The following MBTPS1 variants were observed in gnomAD, a reference collection of about 807,000 sequenced individuals.
MBTPS1 encodes the protein membrane bound transcription factor peptidase, site 1.
Under a neutral mutation model 127.8 loss-of-function variants are expected in MBTPS1, and 94 were observed. That is an observed-to-expected ratio of 0.74 (90% CI 0.62 to 0.87). The LOEUF is 0.87. Among genes scored for constraint, MBTPS1 ranks in the 40% least tolerant of loss-of-function variants. MBTPS1 has a pLI of 0.00. For synonymous variants in MBTPS1, 632 were observed against 509.4 expected, an observed-to-expected ratio of 1.24 and a Z score of -3.24; for missense variants, 1,636 against 1,353.2, an observed-to-expected ratio of 1.21 and a Z score of -3.28.
chr16:84,066,811 A>C (rs1402705558), intron 16 of MBTPS1, among the ~76,000 whole-genome samples, 198 bp from the exon 17 acceptor site: 2 of 152,258 alleles, frequency 1.3e-5, no homozygotes, highest in Non-Finnish European at 1.5e-5. Context: ...GAATTAATTA[A>C]AGCAAAATTT....
At chr16:84,110,652 A>C (rs2086385170) in intron 1 of MBTPS1, 1 of 152,198 alleles carries the variant, frequency 6.6e-6, no homozygotes, top group African/African-American at 2.4e-5. Context: ...TCCTCCCAAC[A>C]ACCCGTTACT....
At chr16:84,100,015 T>C (rs1300586024) in intron 2 of MBTPS1, among the ~76,000 whole-genome samples, 1 of 152,240 alleles carries the variant, frequency 6.6e-6, no homozygotes, top group African/African-American at 2.4e-5. Flanking sequence ...TGTGAGACTA[T>C]TTGCTCAGTT....
chr16:84,076,410 G>T (rs1416129901), intron 11 of MBTPS1, among the ~76,000 whole-genome samples: 1 of 152,130 alleles, frequency 6.6e-6, no homozygotes, highest in African/African-American at 2.4e-5. Context: ...TCTCTCCCCT[G>T]CTGTTCAACA....
chr16:84,095,571 A>C (rs754480735), intron 4 of MBTPS1, 31 bp downstream of exon 4: 1 of 1,608,826 alleles, frequency 6.2e-7, no homozygotes, highest in Admixed American at 1.7e-5. Context: ...TGTATATCCC[A>C]TAAGCACCTT....
rs143626675 is a variant in MBTPS1 at position 84,101,623 on chromosome 16, T to C, written c.161A>G (p.Tyr54Cys). Residue 54 changes from tyrosine to cysteine, a missense_variant and splice_region_variant, in exon 2 of 23, where the codon TAT (tyrosine) becomes TGT (cysteine). By Grantham distance (194) the Tyr-to-Cys change is radical. Coordinates refer to ENST00000343411, the MANE Select transcript of MBTPS1 (RefSeq NM_003791.4). ...AATACTTAAGACAACATCATTACCA[T>C]ATTCCACAACTGTTGATGAGAATTC... ...KVEFSSTVVE[Y>C]EYIVAFNGYF... The C allele has an allele frequency of 7.9e-4, 1,267 of 1,612,004 alleles. 9 individuals are homozygous for C. In the African/African-American group the frequency reaches 0.016, roughly 20 times the overall value.
intron 12 of MBTPS1, 56 bp downstream of exon 12, chr16:84,074,541 T>TG (rs1328396597): frequency 6.3e-7 from 1 of 1,575,110 alleles, no homozygotes; most frequent in Admixed American, 1.7e-5. Flanking sequence ...CCTAAAGGTC[T>TG]GGGCTGTGTC....
In MBTPS1 at chr16:84,091,688, G is replaced by C. The variant is rs765152592; in HGVS notation, c.963+44C>G. ...TGATGCAAAGTTGGGCTGCGAAAGA[G>C]CAGGAGCTGTCACCCAAACCCCGTG... On this transcript the variant is annotated intron_variant, in intron 7 of 22. Transcript: ENST00000343411. The C allele has an allele frequency of 3.7e-6, 5 of 1,353,412 alleles. No individual in the cohort carries two copies. In the Admixed American group the frequency reaches 8.4e-5, roughly 23 times the overall value. The allele number at this position is 1,353,412 out of a possible 1,614,324, so 83.8% of individuals were successfully genotyped here.
rs534216929 is a variant in MBTPS1 at position 84,090,232 on chromosome 16, G to C, written c.1031+643C>G. ...AATAAAATGAAGCTGCTGGTGGAAA[G>C]AAAACTGAGACCTCTAACCAGACAG... On this transcript the variant is annotated intron_variant, in intron 8 of 22. Coordinates refer to ENST00000343411, the MANE Select transcript of MBTPS1 (RefSeq NM_003791.4). Among the ~76,000 whole-genome samples, 21 of 152,338 alleles carry C rather than the reference G, an allele frequency of 1.4e-4. No homozygotes were observed. In the East Asian group the frequency reaches 3.9e-3, roughly 28 times the overall value.
At chr16:84,059,657 C>G in intron 20 of MBTPS1, 1 of 412,470 alleles carries the variant, frequency 2.4e-6, no homozygotes, top group Non-Finnish European at 4.5e-6. Flanking sequence ...CAGAACCGTT[C>G]CCTTGAAGAT....
intron 21 of MBTPS1, among the ~76,000 whole-genome samples, chr16:84,058,709 G>A (rs1030567157): frequency 2.0e-5 from 3 of 152,206 alleles, no homozygotes; most frequent in Admixed American, 6.5e-5. Context: ...CACTGGGTAC[G>A]GAAAGGAAAC....
At position 84,101,662 on chromosome 16, in the gene MBTPS1, A is replaced by T; in HGVS notation, c.122T>A (p.Leu41Gln). The change falls in exon 2 of 23, where the codon CTG becomes CAG. Residue 41 changes from leucine (L) to glutamine (Q), a missense_variant. By Grantham distance (113) the Leu-to-Gln change is moderately radical. Transcript: ENST00000343411. ...TGATGAGAATTCCACCTTCAAAGTC[A>T]GGTGGGAACAGCCAGGGCATGGGGC... is the stretch of plus-strand genomic sequence containing the variant. ...EKAPCPGCSH[L>Q]TLKVEFSSTV... 6.2e-7 allele frequency: 1 copy of T among 1,614,116 alleles called. No homozygotes were observed. Among genetic ancestry groups the T allele is most frequent in the Non-Finnish European group, 8.5e-7 (1 of 1,179,982 alleles).
At chr16:84,074,521 G>A (rs925955761) in intron 12 of MBTPS1, 76 bp downstream of exon 12, 2 of 1,462,586 alleles carry the variant, frequency 1.4e-6, no homozygotes, top group Non-Finnish European at 9.4e-7. Context: ...TTCAGCAGAA[G>A]TAACTATGGC....
chr16:84,055,316 G>A (rs1251450751), intron 22 of MBTPS1, among the ~76,000 whole-genome samples: 1 of 152,192 alleles, frequency 6.6e-6, no homozygotes, highest in Non-Finnish European at 1.5e-5. Flanking sequence ...GCCCCTTCCT[G>A]ATCCCATTTC....
At chr16:84,087,567 A>C (rs1460692442) in intron 8 of MBTPS1, 107 bp from the exon 9 acceptor site, 21 of 710,936 alleles carry the variant, frequency 3.0e-5, no homozygotes, top group Non-Finnish European at 4.0e-5. Flanking sequence ...AGAACAATCT[A>C]ACACTGTATG....
intron 8 of MBTPS1, among the ~76,000 whole-genome samples, chr16:84,089,246 GC>G (rs1302228695): frequency 6.6e-6 from 1 of 152,252 alleles, no homozygotes; most frequent in East Asian, 1.9e-4. Context: ...GCCAACTACG[GC>G]CCATGGGCCA....
intron 1 of MBTPS1, among the ~76,000 whole-genome samples, chr16:84,114,017 T>C (rs2086434854): frequency 6.9e-6 from 1 of 145,442 alleles, no homozygotes; most frequent in Admixed American, 7.4e-5. Context: ...CAGGGTGGAG[T>C]GCAATGGCGC....
At chr16:84,108,196 G>A (rs542669378) in intron 1 of MBTPS1, among the ~76,000 whole-genome samples, 4 of 152,206 alleles carry the variant, frequency 2.6e-5, no homozygotes, top group African/African-American at 7.2e-5. Flanking sequence ...GAGGTAAGCA[G>A]ACAAGCAGCA....
At chr16:84,067,911 C>T in intron 15 of MBTPS1, 88 bp from the exon 16 acceptor site, 2 of 1,298,408 alleles carry the variant, frequency 1.5e-6, no homozygotes, top group Non-Finnish European at 2.1e-6. Flanking sequence ...AGGTACATGT[C>T]TCAGGTTACT....
chr16:84,057,550 C>A (rs3785014), intron 21 of MBTPS1: 44,302 of 152,140 alleles, frequency 0.29, 6,528 homozygotes, highest in East Asian at 0.35. Context: ...TAGGTATGGG[C>A]ACCTGATGCC....
Sources: allele counts gnomAD v4.1 joint callset (sites outside exome capture counted in the v4.1 genomes callset), GRCh38; gene constraint gnomAD v4.1.1; transcripts MANE v1.5; gene names NCBI Gene and HGNC (gene_info 2026-07-23, HGNC 2026-07-21).